Variants in SRSF11 observed in about 807,000 individuals in gnomAD.
SRSF11 encodes the protein serine/arginine-rich splicing factor 11.
Under a neutral mutation model 56.0 loss-of-function variants are expected in SRSF11, and 9 were observed. The ratio of observed to expected loss-of-function variants is 0.16; its 90% CI spans 0.10 to 0.28. The LOEUF (loss-of-function observed/expected upper bound fraction) is 0.28, where lower values mean the gene tolerates loss of function less well. Among genes scored for constraint, SRSF11 ranks in the 10% least tolerant of loss-of-function variants. SRSF11 has a pLI of 1.00. For missense variants in SRSF11, 421 were observed against 600.7 expected (o/e 0.70, Z 3.13); for synonymous variants, 222 against 215.3 (o/e 1.03, Z -0.27).
In SRSF11 at chr1:70,250,063, A is replaced by C; in HGVS notation, c.1118+16A>C. 6.3e-7 allele frequency: 1 copy of C among 1,582,352 alleles called. No homozygotes were observed. The highest frequency in any genetic ancestry group is 8.6e-7 in the Non-Finnish European group (1 of 1,157,652). ...CCCCTAGGAGGTAAGAATGTTAATC[A>C]TTTAAATGTATTTTTTATATTTTTC... On this transcript the variant is annotated intron_variant, in intron 10 of 11. Coordinates refer to ENST00000370949, the MANE Select transcript of SRSF11 (RefSeq NM_001350605.2).
chr1:70,217,856 A>G (rs1037421565), upstream of SRSF11, among the ~76,000 whole-genome samples: 1 of 152,206 alleles, frequency 6.6e-6, no homozygotes, highest in African/African-American at 2.4e-5. Flanking sequence ...ACCTACAAGA[A>G]TCTTCAAAAT....
chr1:70,242,483 A>G (rs75506652), intron 7 of SRSF11, among the ~76,000 whole-genome samples: 3 of 104,896 alleles, frequency 2.9e-5, no homozygotes, highest in South Asian at 9.3e-4. Flanking sequence ...TTTTTTTTTT[A>G]TGTAGAGACA....
At chr1:70,243,652 T>G (rs778721051) in intron 7 of SRSF11, among the ~76,000 whole-genome samples, 1 of 152,104 alleles carries the variant, frequency 6.6e-6, no homozygotes, top group Non-Finnish European at 1.5e-5. Context: ...AGGCAGAAAA[T>G]TTAGACTATA....
chr1:70,229,892 T>C (rs1464993771), intron 2 of SRSF11: 1 of 985,204 alleles, frequency 1.0e-6, no homozygotes, highest in Non-Finnish European at 1.2e-6. Flanking sequence ...TTTTGTAATG[T>C]ATAGATAGAT....
chr1:70,206,334 C>T (rs142615615), intron 1 of SRSF11, among the ~76,000 whole-genome samples: 100 of 151,984 alleles, frequency 6.6e-4, no homozygotes, highest in African/African-American at 2.4e-3. Context: ...TTTACTCAAC[C>T]GCTTTTAAAG....
chr1:70,245,229 C>T (rs1011599955), intron 8 of SRSF11, among the ~76,000 whole-genome samples: 20 of 152,128 alleles, frequency 1.3e-4, no homozygotes, highest in Admixed American at 5.9e-4. Flanking sequence ...TTAGCAACTG[C>T]TTTTTATCTC....
At chr1:70,232,071 C>G in intron 2 of SRSF11, 197 bp from the exon 3 acceptor site, 1 of 1,531,820 alleles carries the variant, frequency 6.5e-7, no homozygotes, top group Non-Finnish European at 8.8e-7. Context: ...AAAAAGGAAA[C>G]AAATTTTCAC....
chr1:70,208,000 C>G (rs995020084), intron 1 of SRSF11, among the ~76,000 whole-genome samples: 2 of 152,106 alleles, frequency 1.3e-5, no homozygotes, highest in East Asian at 3.9e-4. Flanking sequence ...GCATGAGCCA[C>G]CTCAAGCAAT....
chr1:70,239,376 G>A, intron 6 of SRSF11, 63 bp from the exon 7 acceptor site: 1 of 1,155,782 alleles, frequency 8.7e-7, no homozygotes, highest in Admixed American at 2.1e-5. Context: ...ACAGGCATGA[G>A]CCACTGCGTC....
At chr1:70,233,704 G>A (rs1673333816) in intron 3 of SRSF11, among the ~76,000 whole-genome samples, 1 of 152,208 alleles carries the variant, frequency 6.6e-6, no homozygotes, top group African/African-American at 2.4e-5. Context: ...ATTGAAACAA[G>A]GAGAACTTGT....
chr1:70,232,195 A>T (rs770394970), intron 2 of SRSF11, 73 bp from the exon 3 acceptor site: 1 of 1,610,442 alleles, frequency 6.2e-7, no homozygotes, highest in African/African-American at 1.3e-5. Context: ...TCAGGGAGAC[A>T]TTTTCTGGGT....
At chr1:70,241,774 T>C (rs116377029) in intron 7 of SRSF11, among the ~76,000 whole-genome samples, 3,341 of 152,284 alleles carry the variant, frequency 0.022, 52 homozygotes, top group Non-Finnish European at 0.032. Flanking sequence ...GTCTTAATCT[T>C]CCATGACAGT....
At chr1:70,218,772 G>A (rs1449165484), upstream of SRSF11, 1 of 152,130 alleles carries the variant, frequency 6.6e-6, no homozygotes, top group East Asian at 1.9e-4. Flanking sequence ...TTCAAAATGA[G>A]AAAATTAATT....
At chr1:70,241,356 C>CA (rs542064815) in intron 7 of SRSF11, among the ~76,000 whole-genome samples, 103 of 152,192 alleles carry the variant, frequency 6.8e-4, no homozygotes, top group African/African-American at 2.3e-3. Flanking sequence ...CTTTTAATAT[C>CA]ATTTTCTTAT....
chr1:70,209,444 T>C (rs1669339780), intron 1 of SRSF11, among the ~76,000 whole-genome samples: 1 of 152,236 alleles, frequency 6.6e-6, no homozygotes, highest in African/African-American at 2.4e-5. Context: ...TTTCAGAATA[T>C]TGCCTTATGT....
chr1:70,213,243 C>T (rs1181286368), intron 1 of SRSF11, among the ~76,000 whole-genome samples: 1 of 152,118 alleles, frequency 6.6e-6, no homozygotes, highest in Non-Finnish European at 1.5e-5. Flanking sequence ...CACATTAGCT[C>T]ATGTGGCTAA....
rs575652474 is a variant in SRSF11, at chr1:70,221,705, T to A, written c.69T>A (p.Gly23=). 6.2e-7 allele frequency: 1 copy of A among 1,603,756 alleles called. No individual in the cohort carries two copies. Among genetic ancestry groups the A allele is most frequent in the Non-Finnish European group, 8.5e-7 (1 of 1,175,654 alleles). Residue 23 remains glycine, a synonymous_variant, in exon 1 of 12, where the codon GGT becomes GGA. Transcript: ENST00000370949. ...CCAGCGGCGGGCCCGGTGGCGGAGG[T>A]GGTGGTGGCGGCGGAGGCGGCGGCA... The part of the protein sequence containing the change: ...PGPSGGPGGG[G]GGGGGGGGTE...
upstream of SRSF11, chr1:70,218,543 T>C (rs775120513): frequency 6.6e-6 from 1 of 152,168 alleles, no homozygotes; most frequent in Non-Finnish European, 1.5e-5. Flanking sequence ...GTGTCAAACA[T>C]ACAGAAAAAT....
rs189261943 is a variant in SRSF11, at chr1:70,205,963, G to C, written c.-26+183G>C. Among the ~76,000 whole-genome samples, 12 of 152,310 alleles carry C rather than the reference G, an allele frequency of 7.9e-5. No individual in the cohort carries two copies. The East Asian group carries it at 2.1e-3, about 27-fold the overall frequency. On this transcript the variant is annotated intron_variant, in intron 1 of 12. Transcript: ENST00000370950. The stretch of plus-strand genomic sequence containing the variant: ...TAAAACTTGAGATCTGGGCGCGGTC[G>C]GCAGCGTTTCTGGACCCCAGCCTGT...
Sources: allele counts gnomAD v4.1 joint callset (sites outside exome capture counted in the v4.1 genomes callset), GRCh38; gene constraint gnomAD v4.1.1; transcripts MANE v1.5; gene names NCBI Gene and HGNC (gene_info 2026-07-23, HGNC 2026-07-21).